The following PDE7B variants were observed in gnomAD, a reference collection of about 807,000 sequenced individuals.
The protein encoded by PDE7B is 3',5'-cyclic-AMP phosphodiesterase 7B.
Under a neutral mutation model 56.2 loss-of-function variants are expected in PDE7B, and 29 were observed. That is an observed-to-expected ratio of 0.52 (90% CI 0.38 to 0.70). The LOEUF is 0.70. Ranked by LOEUF, PDE7B falls within the 30% of genes least tolerant of loss-of-function variation. The probability of loss-of-function intolerance (pLI) is 0.00; values close to 1 mark genes in which losing one functional copy is unlikely to be tolerated. For missense variants in PDE7B, 490 were observed against 565.0 expected (o/e 0.87, Z 1.35); for synonymous variants, 197 against 196.9 (o/e 1.00, Z 0.00).
intron 3 of PDE7B, among the ~76,000 whole-genome samples, chr6:136,109,880 T>G (rs778310465): frequency 1.3e-5 from 2 of 152,214 alleles, no homozygotes; most frequent in Non-Finnish European, 2.9e-5. Flanking sequence ...GGTTCTCATA[T>G]CACTTCCCAT....
intron 1 of PDE7B, among the ~76,000 whole-genome samples, chr6:135,923,146 C>T (rs562750458): frequency 1.5e-4 from 23 of 152,296 alleles, no homozygotes; most frequent in Admixed American, 2.6e-4. Context: ...GTAGCCAACA[C>T]GATCTATGTA....
intron 3 of PDE7B, among the ~76,000 whole-genome samples, chr6:136,127,357 C>T (rs1778041132): frequency 3.3e-5 from 5 of 152,158 alleles, no homozygotes; most frequent in Non-Finnish European, 1.5e-5. Context: ...CCCAATAGCA[C>T]TCAAGGATTT....
At chr6:136,022,106 C>CT (rs1776083372) in intron 2 of PDE7B, among the ~76,000 whole-genome samples, 1 of 152,220 alleles carries the variant, frequency 6.6e-6, no homozygotes, top group South Asian at 2.1e-4. Flanking sequence ...TCCGCCAAAT[C>CT]TCTGCCTGGT....
chr6:136,088,748 T>C (rs1226287329), intron 2 of PDE7B, among the ~76,000 whole-genome samples: 3 of 152,094 alleles, frequency 2.0e-5, no homozygotes, highest in Non-Finnish European at 4.4e-5. Context: ...TGCTCTAAAA[T>C]TGACTGTGGT....
chr6:136,145,396 T>C (rs932112291), intron 3 of PDE7B, among the ~76,000 whole-genome samples: 5 of 152,188 alleles, frequency 3.3e-5, no homozygotes, highest in African/African-American at 1.2e-4. Context: ...AACAAGGTGC[T>C]ACAGTTCATC....
chr6:135,901,963 A>G (rs1776009142), intron 1 of PDE7B, among the ~76,000 whole-genome samples: 1 of 152,110 alleles, frequency 6.6e-6, no homozygotes. Context: ...CTGAATCTCT[A>G]AGTTTCAGCT....
At chr6:136,097,427 C>T (rs1237487301) in intron 2 of PDE7B, among the ~76,000 whole-genome samples, 1 of 151,962 alleles carries the variant, frequency 6.6e-6, no homozygotes, top group Non-Finnish European at 1.5e-5. Flanking sequence ...AATTTCTTAC[C>T]ATGTCAGTTT....
At chr6:136,176,052 T>C (rs1040881371) in intron 9 of PDE7B, among the ~76,000 whole-genome samples, 2 of 152,096 alleles carry the variant, frequency 1.3e-5, no homozygotes, top group African/African-American at 2.4e-5. Flanking sequence ...ACAACCAAGA[T>C]TGAAATTTTT....
chr6:135,864,796 A>T (rs1445170271), intron 1 of PDE7B, among the ~76,000 whole-genome samples: 1 of 151,102 alleles, frequency 6.6e-6, no homozygotes, highest in Non-Finnish European at 1.5e-5. Flanking sequence ...TTCTTTTTTT[A>T]TTATTATTAT....
intron 2 of PDE7B, among the ~76,000 whole-genome samples, chr6:135,984,918 A>G (rs1297687146): frequency 2.0e-5 from 3 of 152,040 alleles, no homozygotes; most frequent in African/African-American, 7.2e-5. Flanking sequence ...CTCAATCTTC[A>G]CCAGCCCTGA....
chr6:136,124,510 T>G (rs1022570264), intron 3 of PDE7B, among the ~76,000 whole-genome samples: 2 of 152,202 alleles, frequency 1.3e-5, no homozygotes, highest in African/African-American at 4.8e-5. Context: ...GTATCAAGTG[T>G]CCACATCCCC....
At chr6:135,934,766 T>TATATATTTATTATATATATATTTTAA (rs1774363486) in intron 1 of PDE7B, among the ~76,000 whole-genome samples, 2 of 97,664 alleles carry the variant, frequency 2.0e-5, no homozygotes, top group African/African-American at 3.9e-5. Context: ...TTTTTAAATA[T>TATATATTTATTATATATATATTTTAA]ATATATATAT....
chr6:136,184,981 A>C (rs1377391532), intron 11 of PDE7B, among the ~76,000 whole-genome samples: 3 of 152,228 alleles, frequency 2.0e-5, no homozygotes, highest in African/African-American at 7.2e-5. Flanking sequence ...GGAGAAGTCA[A>C]AGACAACTCC....
chr6:135,921,847 A>G (rs929032533), intron 1 of PDE7B, among the ~76,000 whole-genome samples: 2 of 152,004 alleles, frequency 1.3e-5, no homozygotes, highest in African/African-American at 2.4e-5. Context: ...CCTTTCTACT[A>G]TAAAAAAATA....
intron 8 of PDE7B, among the ~76,000 whole-genome samples, chr6:136,163,874 A>G (rs972989649): frequency 6.6e-6 from 1 of 152,230 alleles, no homozygotes; most frequent in African/African-American, 2.4e-5. Flanking sequence ...ACCTAAGCCT[A>G]GACTTTATTG....
At chr6:136,052,617 G>GCCCCCCCCCCCCCCC (rs11400308) in intron 2 of PDE7B, among the ~76,000 whole-genome samples, 3 of 142,788 alleles carry the variant, frequency 2.1e-5, no homozygotes, top group Non-Finnish European at 3.0e-5. Context: ...TTAGGGTACA[G>GCCCCCCCCCCCCCCC]CCCCCCCCCA....
intron 8 of PDE7B, among the ~76,000 whole-genome samples, chr6:136,170,553 GTCTC>G (rs1778862181): frequency 6.6e-6 from 1 of 152,070 alleles, no homozygotes; most frequent in South Asian, 2.1e-4. Context: ...ATTATACAGT[GTCTC>G]TCACTTTTTA....
intron 8 of PDE7B, chr6:136,161,902 CCA>C (rs1367091164): frequency 1.3e-5 from 2 of 152,176 alleles, no homozygotes; most frequent in African/African-American, 4.8e-5. Context: ...TCACGTAGGG[CCA>C]CAGTTTTCAC....
intron 1 of PDE7B, among the ~76,000 whole-genome samples, chr6:135,928,486 T>TA (rs1491453514): frequency 0.062 from 5,181 of 83,546 alleles, 303 homozygotes; most frequent in Non-Finnish European, 0.086. Context: ...TATATATTTA[T>TA]TTATATATAT....
Sources: gnomAD v4.1 joint callset for allele counts (sites outside exome capture counted in the v4.1 genomes callset) on GRCh38, gnomAD v4.1.1 for gene constraint, MANE v1.5 for transcripts, NCBI Gene and HGNC (gene_info 2026-07-23, HGNC 2026-07-21) for gene names.